The following OLA1 variants were observed in gnomAD, a reference collection of about 807,000 sequenced individuals.
OLA1 encodes obg-like ATPase 1.
A neutral mutation model predicts 48.4 loss-of-function variants in OLA1; 14 were observed. The ratio of observed to expected loss-of-function variants is 0.29; its 90% CI spans 0.19 to 0.45. The LOEUF is 0.45. OLA1 is among the 20% of genes least tolerant of loss of function. The pLI is 1.00. For missense variants in OLA1, 325 were observed against 467.1 expected (o/e 0.70, Z 2.80); for synonymous variants, 127 against 150.4 (o/e 0.84, Z 1.14).
At chr2:174,219,423 CTTT>C (rs372577919) in intron 4 of OLA1, among the ~76,000 whole-genome samples, 3 of 94,918 alleles carry the variant, frequency 3.2e-5, no homozygotes, top group South Asian at 4.6e-4. Context: ...TTTTATTTCC[CTTT>C]TTTTTTTTTT....
chr2:174,121,623 A>T (rs1014248209), intron 7 of OLA1, among the ~76,000 whole-genome samples: 1 of 152,046 alleles, frequency 6.6e-6, no homozygotes, highest in African/African-American at 2.4e-5. Flanking sequence ...ATACCTCTAC[A>T]TTATTATAAA....
At chr2:174,244,849 T>C (rs1279138684) in intron 2 of OLA1, among the ~76,000 whole-genome samples, 2 of 152,066 alleles carry the variant, frequency 1.3e-5, no homozygotes, top group South Asian at 2.1e-4. Context: ...CCAGGCTGGT[T>C]TCAAGCTCCT....
At chr2:174,095,153 T>C (rs925267804) in intron 7 of OLA1, among the ~76,000 whole-genome samples, 2 of 152,144 alleles carry the variant, frequency 1.3e-5, no homozygotes. Context: ...TTCAATTCTT[T>C]AGGATATTTA....
chr2:174,239,074 A>C (rs1688932733), intron 2 of OLA1, among the ~76,000 whole-genome samples: 1 of 152,214 alleles, frequency 6.6e-6, no homozygotes, highest in African/African-American at 2.4e-5. Flanking sequence ...GATTTTACAC[A>C]ATAGAAGTTC....
chr2:174,213,076 C>T (rs1176439011), intron 4 of OLA1, among the ~76,000 whole-genome samples: 1 of 152,094 alleles, frequency 6.6e-6, no homozygotes, highest in African/African-American at 2.4e-5. Flanking sequence ...CAATATATTC[C>T]CTACTCCCAC....
At chr2:174,136,672 C>CTTTTTT (rs555917413) in intron 5 of OLA1, among the ~76,000 whole-genome samples, 3 of 141,970 alleles carry the variant, frequency 2.1e-5, no homozygotes, top group East Asian at 2.0e-4. Context: ...CATGAATATT[C>CTTTTTT]TTTTTTTTTT....
intron 4 of OLA1, among the ~76,000 whole-genome samples, chr2:174,185,405 A>G (rs1687636014): frequency 1.3e-5 from 2 of 152,230 alleles, no homozygotes; most frequent in African/African-American, 2.4e-5. Flanking sequence ...GTTGACAACT[A>G]GTAATCACCA....
At chr2:174,192,799 A>G (rs1687802411) in intron 4 of OLA1, among the ~76,000 whole-genome samples, 1 of 152,178 alleles carries the variant, frequency 6.6e-6, no homozygotes, top group African/African-American at 2.4e-5. Flanking sequence ...CAGCACTTCC[A>G]AAGTGTCATT....
intron 7 of OLA1, among the ~76,000 whole-genome samples, chr2:174,099,298 G>C (rs1247047360): frequency 6.6e-6 from 1 of 152,042 alleles, no homozygotes; most frequent in African/African-American, 2.4e-5. Flanking sequence ...TGGGACTACA[G>C]GTGCGTGCCA....
chr2:174,119,011 C>T (rs893920656), intron 7 of OLA1, among the ~76,000 whole-genome samples: 1 of 151,514 alleles, frequency 6.6e-6, no homozygotes, highest in Non-Finnish European at 1.5e-5. Context: ...ATTCAAAACC[C>T]ATTTAATGAA....
rs574945382 is a variant in OLA1 at position 174,197,640 on chromosome 2, T to C, written c.373+25393A>G. Among the ~76,000 whole-genome samples the C allele has an allele frequency of 2.6e-5, 4 of 152,290 alleles. No individual in the cohort carries two copies. In the South Asian group the frequency reaches 8.3e-4, roughly 32 times the overall value. On this transcript the variant is annotated intron_variant, in intron 4 of 10. Transcript: ENST00000284719. ...ACAAAGGATCCTTATTTCTCTTAAG[T>C]GATTTTAGCTGTTCTAGTTCAAAGG...
chr2:174,247,946 G>A (rs998456354), intron 1 of OLA1: 14 of 781,174 alleles, frequency 1.8e-5, no homozygotes, highest in Non-Finnish European at 2.4e-5. Context: ...AACTAAAACT[G>A]TCCCAGTCTT....
At chr2:174,122,518 A>C (rs1685936313) in intron 7 of OLA1, among the ~76,000 whole-genome samples, 2 of 152,346 alleles carry the variant, frequency 1.3e-5, no homozygotes, top group South Asian at 4.1e-4. Context: ...AAAATACTTA[A>C]GAGTCCAGTG....
At chr2:174,078,058 T>A (rs1684786102) in intron 10 of OLA1, among the ~76,000 whole-genome samples, 1 of 152,016 alleles carries the variant, frequency 6.6e-6, no homozygotes, top group African/African-American at 2.4e-5. Flanking sequence ...TACCAAGATT[T>A]TCCCCCTCCT....
At chr2:174,118,954 T>TAC (rs1486736749) in intron 7 of OLA1, among the ~76,000 whole-genome samples, 1 of 152,162 alleles carries the variant, frequency 6.6e-6, no homozygotes. Flanking sequence ...AGAAGTGCAC[T>TAC]ACTGTATTGT....
chr2:174,082,170 T>A (rs1377949039), intron 7 of OLA1, 106 bp from the exon 8 acceptor site: 15 of 1,238,812 alleles, frequency 1.2e-5, no homozygotes, highest in Non-Finnish European at 1.7e-5. Context: ...TGCACGGTTT[T>A]ATGATGCCAT....
chr2:174,211,593 A>C (rs1431628600), intron 4 of OLA1, among the ~76,000 whole-genome samples: 1 of 152,212 alleles, frequency 6.6e-6, no homozygotes, highest in Non-Finnish European at 1.5e-5. Flanking sequence ...TCAGAATAAT[A>C]CATATTCGCT....
chr2:174,234,879 C>G (rs769754082), intron 2 of OLA1, among the ~76,000 whole-genome samples: 1 of 152,062 alleles, frequency 6.6e-6, no homozygotes, highest in African/African-American at 2.4e-5. Context: ...TAAAACTAGG[C>G]GGGGCATGGT....
intron 5 of OLA1, among the ~76,000 whole-genome samples, chr2:174,132,226 C>T (rs773904191): frequency 2.0e-5 from 3 of 151,932 alleles, no homozygotes; most frequent in Admixed American, 6.6e-5. Flanking sequence ...ATGCTAGTTT[C>T]GCTTTTCTTT....
Sources: gnomAD v4.1 joint callset for allele counts (sites outside exome capture counted in the v4.1 genomes callset) on GRCh38, gnomAD v4.1.1 for gene constraint, MANE v1.5 for transcripts, NCBI Gene and HGNC (gene_info 2026-07-23, HGNC 2026-07-21) for gene names.